The following TUT4 variants were observed in gnomAD, a reference collection of about 807,000 sequenced individuals.
TUT4 encodes terminal uridylyltransferase 4.
A neutral mutation model predicts 192.2 loss-of-function variants in TUT4; 36 were observed. That is an observed-to-expected ratio of 0.19 (90% CI 0.14 to 0.25). The LOEUF (loss-of-function observed/expected upper bound fraction) is 0.25. Ranked by LOEUF, TUT4 falls within the 10% of genes least tolerant of loss-of-function variation. TUT4 has a pLI of 1.00. For synonymous variants in TUT4, 618 were observed against 666.0 expected (o/e 0.93, Z 1.11); for missense variants, 1,493 against 1,957.2 (o/e 0.76, Z 4.47).
chr1:52,485,657 T>C (rs936478390), intron 9 of TUT4, among the ~76,000 whole-genome samples: 11 of 150,686 alleles, frequency 7.3e-5, no homozygotes, highest in Non-Finnish European at 1.2e-4. Context: ...AGGGAGAACA[T>C]GCCCTTTCAG....
chr1:52,456,587 A>AT (rs1661054065), intron 20 of TUT4, among the ~76,000 whole-genome samples: 1 of 151,918 alleles, frequency 6.6e-6, no homozygotes, highest in African/African-American at 2.4e-5. Context: ...ATGGAAGTCA[A>AT]TCTGAAAAGG....
intron 28 of TUT4, among the ~76,000 whole-genome samples, chr1:52,429,240 C>T (rs960106202): frequency 4.6e-5 from 7 of 151,610 alleles, no homozygotes; most frequent in African/African-American, 1.7e-4. Context: ...CCCACCACCA[C>T]GCTCAGCTGA....
intron 14 of TUT4, among the ~76,000 whole-genome samples, chr1:52,471,353 T>C (rs1335672293): frequency 4.6e-5 from 7 of 152,208 alleles, no homozygotes; most frequent in Non-Finnish European, 1.0e-4. Flanking sequence ...CGTTTAAAAA[T>C]GCAGCTCAAG....
At chr1:52,507,818 T>C (rs1676020012) in intron 4 of TUT4, among the ~76,000 whole-genome samples, 1 of 152,192 alleles carries the variant, frequency 6.6e-6, no homozygotes, top group African/African-American at 2.4e-5. Flanking sequence ...GTTTTCCTTT[T>C]TCTTTTTTTT....
Position 52,446,673 on chromosome 1 carries a change from T to A in TUT4, c.3436-6A>T. The A allele has an allele frequency of 1.9e-6, 3 of 1,594,918 alleles. No individual in the cohort carries two copies. The highest frequency in any genetic ancestry group is 1.4e-5 in the African/African-American group (1 of 73,958). On this transcript the variant is annotated splice_polypyrimidine_tract_variant and splice_region_variant and intron_variant, in intron 20 of 29. Coordinates refer to ENST00000257177, the MANE Select transcript of TUT4 (RefSeq NM_001009881.3). The stretch of plus-strand genomic sequence containing the variant: ...ATCTGTTTTCCATCAAAGATCTGCA[T>A]AAAAAAATTAATTGTATTATTAGAT...
intron 20 of TUT4, among the ~76,000 whole-genome samples, chr1:52,453,641 A>G (rs992608503): frequency 6.6e-6 from 1 of 152,172 alleles, no homozygotes; most frequent in African/African-American, 2.4e-5. Context: ...GAAAAACTCA[A>G]TGCTTTCCCT....
At chr1:52,470,470 C>G (rs1002620061) in intron 14 of TUT4, among the ~76,000 whole-genome samples, 1 of 151,932 alleles carries the variant, frequency 6.6e-6, no homozygotes, top group Non-Finnish European at 1.5e-5. Context: ...CATACCCAGA[C>G]CCACCCAGCC....
intron 15 of TUT4, among the ~76,000 whole-genome samples, chr1:52,467,082 C>T (rs888081660): frequency 6.6e-6 from 1 of 152,088 alleles, no homozygotes; most frequent in Admixed American, 6.6e-5. Context: ...AAGTTTGAGG[C>T]TGCAGTGAGC....
chr1:52,464,645 TA>T (rs1663601260), intron 16 of TUT4, among the ~76,000 whole-genome samples: 1 of 152,224 alleles, frequency 6.6e-6, no homozygotes, highest in Non-Finnish European at 1.5e-5. Flanking sequence ...AAACCAATTA[TA>T]AATTAGATGA....
chr1:52,430,479 C>T (rs1290768543), intron 28 of TUT4, among the ~76,000 whole-genome samples: 1 of 152,058 alleles, frequency 6.6e-6, no homozygotes, highest in East Asian at 1.9e-4. Context: ...GATGGGGTTT[C>T]ACCATGTTGG....
At chr1:52,479,823 T>C (rs1345895704) in intron 11 of TUT4, among the ~76,000 whole-genome samples, 1 of 151,562 alleles carries the variant, frequency 6.6e-6, no homozygotes, top group Non-Finnish European at 1.5e-5. Flanking sequence ...TGAAACCCCA[T>C]CTCTACTAAA....
At chr1:52,492,644 C>A (rs1353182361) in intron 7 of TUT4, among the ~76,000 whole-genome samples, 1 of 152,200 alleles carries the variant, frequency 6.6e-6, no homozygotes, top group East Asian at 1.9e-4. Context: ...CTAGCTCCAG[C>A]TCCCAAGCTT....
chr1:52,448,406 G>A (rs1557682154), intron 20 of TUT4, among the ~76,000 whole-genome samples: 1 of 151,958 alleles, frequency 6.6e-6, no homozygotes, highest in Non-Finnish European at 1.5e-5. Context: ...TGGCCAACAT[G>A]GCAAAACCCC....
intron 1 of TUT4, among the ~76,000 whole-genome samples, chr1:52,538,131 G>C (rs377390052): frequency 3.9e-5 from 6 of 152,108 alleles, no homozygotes; most frequent in African/African-American, 1.4e-4. Flanking sequence ...AGCTGCTTGG[G>C]AAGCTGAGGC....
At position 52,435,469 on chromosome 1, in the gene TUT4, A is replaced by G. The variant is rs1653445962; in HGVS notation, c.4163-4T>C. 1 of 1,613,422 alleles carries G rather than the reference A, an allele frequency of 6.2e-7. No homozygotes were observed. The highest frequency in any genetic ancestry group is 8.5e-7 in the Non-Finnish European group (1 of 1,179,422). On this transcript the variant is annotated splice_polypyrimidine_tract_variant and splice_region_variant and intron_variant, in intron 26 of 29. Transcript: ENST00000257177. Reference sequence around the variant, plus strand: ...AGGTTGCGGACCAGCTGGGCTGCTAAGAGAAGGCATCACAAAGAAAATCAA... The same window carrying G: ...AGGTTGCGGACCAGCTGGGCTGCTAGGAGAAGGCATCACAAAGAAAATCAA...
In TUT4 at chr1:52,438,200, A is replaced by G; in HGVS notation, c.3938+20T>C. The stretch of plus-strand genomic sequence containing the variant: ...CTCATTTATTTTCCTCAAAATGTTG[A>G]TATATATTCATTTGCCAACCTTTTC... On this transcript the variant is annotated intron_variant, in intron 25 of 29. Coordinates refer to ENST00000257177, the MANE Select transcript of TUT4 (RefSeq NM_001009881.3). The G allele has an allele frequency of 6.4e-7, 1 of 1,567,626 alleles. No homozygotes were observed. Among genetic ancestry groups the G allele is most frequent in the Non-Finnish European group, 8.7e-7 (1 of 1,143,898 alleles).
At chr1:52,493,582 AAAAG>A in intron 7 of TUT4, 25 bp downstream of exon 7, 6 of 1,400,776 alleles carry the variant, frequency 4.3e-6, no homozygotes, top group African/African-American at 1.5e-5. Flanking sequence ...TTAAAAAAAA[AAAAG>A]AAAAGAAAAA....
intron 4 of TUT4, among the ~76,000 whole-genome samples, chr1:52,508,073 A>AC (rs1301914207): frequency 1.3e-5 from 2 of 152,050 alleles, no homozygotes; most frequent in Non-Finnish European, 2.9e-5. Context: ...TCAGCCTCCC[A>AC]AAGTGCTGGG....
Position 52,532,161 on chromosome 1 carries a change from G to A in TUT4, c.-93-5788C>T, listed in dbSNP as rs1249683688. Among the ~76,000 whole-genome samples, 5 of 151,572 alleles carry A rather than the reference G, an allele frequency of 3.3e-5. No individual in the cohort carries two copies. In the East Asian group the frequency reaches 7.7e-4, roughly 23 times the overall value. On this transcript the variant is annotated intron_variant, in intron 1 of 29. Transcript: ENST00000257177. ...CCAAAGTGCTGGGATTACCACGCCT[G>A]CCTCTAATCTGTTTTTAATAAAACA...
Sources: gnomAD v4.1 joint callset for allele counts (sites outside exome capture counted in the v4.1 genomes callset) on GRCh38, gnomAD v4.1.1 for gene constraint, MANE v1.5 for transcripts, NCBI Gene and HGNC (gene_info 2026-07-23, HGNC 2026-07-21) for gene names.